MAML2: variants seen among roughly 807,000 people sequenced by gnomAD.
MAML2 encodes the protein mastermind-like protein 2.
Under a neutral mutation model 96.1 loss-of-function variants are expected in MAML2, and 22 were observed. That is an observed-to-expected ratio of 0.23 (90% confidence interval 0.16 to 0.33). The LOEUF (loss-of-function observed/expected upper bound fraction) is 0.33. Ranked by LOEUF, MAML2 falls within the 10% of genes least tolerant of loss-of-function variation. The pLI, the probability that MAML2 is intolerant of heterozygous loss-of-function variation, is 1.00. For missense variants in MAML2, 1,367 were observed against 1,392.4 expected, an observed-to-expected ratio of 0.98 and a Z score of 0.29; for synonymous variants, 561 against 521.3, an observed-to-expected ratio of 1.08 and a Z score of -1.04.
chr11:96,331,307 T>C (rs1863851860), intron 1 of MAML2, among the ~76,000 whole-genome samples: 1 of 152,120 alleles, frequency 6.6e-6, no homozygotes, highest in Admixed American at 6.5e-5. Context: ...CCACAGGCTC[T>C]AAACTCCATG....
At chr11:96,123,745 G>T (rs1374177894) in intron 1 of MAML2, among the ~76,000 whole-genome samples, 3 of 152,140 alleles carry the variant, frequency 2.0e-5, no homozygotes, top group Non-Finnish European at 4.4e-5. Flanking sequence ...AGATGGGGAA[G>T]GGAGGGAGGA....
chr11:96,317,967 CAG>C (rs1471661079), intron 1 of MAML2, among the ~76,000 whole-genome samples: 9 of 152,168 alleles, frequency 5.9e-5, no homozygotes, highest in Non-Finnish European at 1.2e-4. Context: ...GCTGTGAATC[CAG>C]AGTTATTCTT....
rs562884536 is a variant in MAML2 at position 96,003,568 on chromosome 11, G to A, written c.2140-11845C>T. Reference sequence around the variant, plus strand: ...GGATTTCAGTGAGTAGACAGCACTAGTGAAAGGTGGGTTCTGGGATCAGGC... The same window carrying A: ...GGATTTCAGTGAGTAGACAGCACTAATGAAAGGTGGGTTCTGGGATCAGGC... On this transcript the variant is annotated intron_variant, in intron 2 of 4. Transcript: ENST00000524717. Among the ~76,000 whole-genome samples the A allele has an allele frequency of 7.2e-5, 11 of 152,222 alleles. No homozygotes were observed. The South Asian group carries it at 2.1e-3, about 29-fold the overall frequency.
chr11:96,058,412 C>A (rs1398484522), intron 2 of MAML2, among the ~76,000 whole-genome samples: 1 of 152,154 alleles, frequency 6.6e-6, no homozygotes, highest in Admixed American at 6.5e-5. Flanking sequence ...ATCTGCCTCT[C>A]GAGTTCAAGT....
chr11:96,322,693 C>CAA (rs1024747087), intron 1 of MAML2, among the ~76,000 whole-genome samples: 1 of 151,196 alleles, frequency 6.6e-6, no homozygotes, highest in Non-Finnish European at 1.5e-5. Flanking sequence ...GACTCCGTCT[C>CAA]AAAAAAAAGA....
At chr11:96,316,941 C>A (rs1863640996) in intron 1 of MAML2, among the ~76,000 whole-genome samples, 1 of 152,180 alleles carries the variant, frequency 6.6e-6, no homozygotes, top group South Asian at 2.1e-4. Flanking sequence ...TAGTTGGACT[C>A]CTCCTCTGCT....
intron 1 of MAML2, among the ~76,000 whole-genome samples, chr11:96,341,148 T>C (rs997798407): frequency 6.6e-6 from 1 of 152,124 alleles, no homozygotes; most frequent in Non-Finnish European, 1.5e-5. Flanking sequence ...AAACTCAGGC[T>C]TCTTATCAGT....
chr11:96,074,702 A>G (rs1238527094), intron 2 of MAML2, among the ~76,000 whole-genome samples: 1 of 152,256 alleles, frequency 6.6e-6, no homozygotes, highest in Non-Finnish European at 1.5e-5. Context: ...GACAAACGTC[A>G]TCATACAAAA....
chr11:96,333,727 C>A (rs1863882067), intron 1 of MAML2, among the ~76,000 whole-genome samples: 2 of 152,212 alleles, frequency 1.3e-5, no homozygotes, highest in African/African-American at 4.8e-5. Context: ...AGCCAGGGAT[C>A]TGGCTTTCAA....
At position 96,093,105 on chromosome 11, in the gene MAML2, A is replaced by G; in HGVS notation, c.926T>C (p.Leu309Pro). The part of the protein sequence containing the change: ...EQLMDPELQE[L>P]FNELTNISVP... ...AGATATGTTGGTCAGTTCATTGAAC[A>G]GTTCCTGCAGCTCAGGATCCATCAG... Residue 309 changes from leucine to proline, a missense_variant, in exon 2 of 5, where the codon CTG becomes CCG. Physicochemically the swap from Leu to Pro is moderately conservative, Grantham distance 98 (BLOSUM62 -3). Transcript: ENST00000524717. 6.2e-7 allele frequency: 1 copy of G among 1,614,032 alleles called. No homozygotes were observed. The highest frequency in any genetic ancestry group is 8.5e-7 in the Non-Finnish European group (1 of 1,179,898).
chr11:96,235,242 G>C (rs1489134910), intron 1 of MAML2, among the ~76,000 whole-genome samples: 2 of 151,988 alleles, frequency 1.3e-5, no homozygotes, highest in Admixed American at 1.3e-4. Flanking sequence ...TGACTCAAGG[G>C]CCAAATCTGG....
chr11:96,242,551 C>T (rs1862450780), intron 1 of MAML2, among the ~76,000 whole-genome samples: 1 of 152,160 alleles, frequency 6.6e-6, no homozygotes, highest in South Asian at 2.1e-4. Context: ...CAGCACAAAA[C>T]AGTTGTTCCG....
At chr11:96,264,981 A>T (rs76171578) in intron 1 of MAML2, among the ~76,000 whole-genome samples, 5,818 of 152,330 alleles carry the variant, frequency 0.038, 354 homozygotes, top group African/African-American at 0.13. Flanking sequence ...AAAAGTTAGC[A>T]GACGGTCAGG....
chr11:96,073,693 G>A (rs1436075814), intron 2 of MAML2, among the ~76,000 whole-genome samples: 2 of 152,116 alleles, frequency 1.3e-5, no homozygotes, highest in Non-Finnish European at 2.9e-5. Flanking sequence ...AGTATGATGT[G>A]GTTGGCAGTG....
chr11:96,219,344 G>A (rs1290902571), intron 1 of MAML2, among the ~76,000 whole-genome samples: 2 of 152,238 alleles, frequency 1.3e-5, no homozygotes, highest in East Asian at 3.9e-4. Context: ...ATTCCACCTT[G>A]TTCAAGAGGC....
At chr11:96,015,019 A>G (rs1858321843) in intron 2 of MAML2, among the ~76,000 whole-genome samples, 1 of 152,204 alleles carries the variant, frequency 6.6e-6, no homozygotes, top group South Asian at 2.1e-4. Context: ...TAGCCACCCT[A>G]TTAGTATCTC....
chr11:96,141,308 T>G (rs547891540), intron 1 of MAML2, among the ~76,000 whole-genome samples: 7 of 152,304 alleles, frequency 4.6e-5, no homozygotes, highest in Non-Finnish European at 1.0e-4. Flanking sequence ...ATTTTAATAT[T>G]TAAATTTAAT....
chr11:96,254,404 T>C (rs1862632488), intron 1 of MAML2, among the ~76,000 whole-genome samples: 1 of 151,718 alleles, frequency 6.6e-6, no homozygotes, highest in East Asian at 1.9e-4. Flanking sequence ...TTTTTTTTTT[T>C]TTTTGAACAT....
At chr11:96,333,562 AT>A (rs1299041864) in intron 1 of MAML2, among the ~76,000 whole-genome samples, 3 of 152,218 alleles carry the variant, frequency 2.0e-5, no homozygotes, top group African/African-American at 7.2e-5. Context: ...CATGTTTTTT[AT>A]GGAAAACCGC....
Sources: allele counts gnomAD v4.1 joint callset (sites outside exome capture counted in the v4.1 genomes callset), GRCh38; gene constraint gnomAD v4.1.1; transcripts MANE v1.5; gene names NCBI Gene and HGNC (gene_info 2026-07-23, HGNC 2026-07-21).